Variants in SCN8A observed in about 807,000 individuals in gnomAD.
The protein encoded by SCN8A is sodium channel protein type 8 subunit alpha.
In SCN8A, 30 loss-of-function variants were observed where a neutral mutation model predicts 184.1. The observed-to-expected ratio is 0.16, with a 90% CI of 0.12 to 0.22. The LOEUF (loss-of-function observed/expected upper bound fraction) is 0.22, where lower values mean the gene tolerates loss of function less well. SCN8A is among the 10% of genes least tolerant of loss of function. SCN8A has a pLI of 1.00. For missense variants in SCN8A, 1,057 were observed against 2,498.9 expected, an observed-to-expected ratio of 0.42 and a Z score of 12.30; for synonymous variants, 852 against 907.0, an observed-to-expected ratio of 0.94 and a Z score of 1.09.
At chr12:51,646,114 G>A (rs554074172) in intron 1 of SCN8A, among the ~76,000 whole-genome samples, 1 of 151,676 alleles carries the variant, frequency 6.6e-6, no homozygotes, top group African/African-American at 2.4e-5. Flanking sequence ...TTAGTCTACA[G>A]GATGCCACTA....
chr12:51,730,039 T>C (rs548466889), intron 12 of SCN8A, among the ~76,000 whole-genome samples: 1 of 152,306 alleles, frequency 6.6e-6, no homozygotes, highest in Non-Finnish European at 1.5e-5. Flanking sequence ...ACAAGTCAAA[T>C]ATAAAAATGT....
At chr12:51,649,598 C>T (rs1651860408) in intron 1 of SCN8A, among the ~76,000 whole-genome samples, 1 of 151,512 alleles carries the variant, frequency 6.6e-6, no homozygotes, top group Non-Finnish European at 1.5e-5. Context: ...AGCTTGCACC[C>T]TCTGAAGCCT....
rs527815817 is a variant in SCN8A at position 51,676,909 on chromosome 12, C to G, written c.277-7265C>G. On this transcript the variant is annotated intron_variant, in intron 2 of 26. Coordinates refer to ENST00000627620, the MANE Select transcript of SCN8A (RefSeq NM_001330260.2). ...AGAATTGGTTGAGTGAAGAGCTGCTCTCCTGGGCCATGTGTTTCACAGCAA... is the reference window on the plus strand; with the variant it reads ...AGAATTGGTTGAGTGAAGAGCTGCTGTCCTGGGCCATGTGTTTCACAGCAA... Among the ~76,000 whole-genome samples, 14 of 152,184 alleles carry G rather than the reference C, an allele frequency of 9.2e-5. No individual in the cohort carries two copies. In the East Asian group the frequency reaches 2.7e-3, roughly 29 times the overall value.
Position 51,769,978 on chromosome 12 carries a change from C to T in SCN8A, c.3483C>T (p.Phe1161=). The part of the protein sequence containing the change: ...PEEYLDPDAC[F]TEGCVQRFKC... ...AATACTTGGATCCAGATGCCTGCTT[C>T]ACAGAAGGTGAAAGGGGATGAGGAG... The change falls in exon 18 of 27, where the codon TTC becomes TTT. Residue 1161 remains phenylalanine, a synonymous_variant. Transcript: ENST00000627620. The T allele has an allele frequency of 1.3e-6, 2 of 1,590,244 alleles. No individual in the cohort carries two copies. The highest frequency in any genetic ancestry group is 1.7e-6 in the Non-Finnish European group (2 of 1,166,742).
At chr12:51,742,957 ATTCT>A (rs1942451933) in intron 12 of SCN8A, among the ~76,000 whole-genome samples, 2 of 152,076 alleles carry the variant, frequency 1.3e-5, no homozygotes. Flanking sequence ...AAGCTCATTA[ATTCT>A]TTCTTCTGTC....
intron 20 of SCN8A, among the ~76,000 whole-genome samples, chr12:51,777,860 C>T (rs1347567712): frequency 6.6e-6 from 1 of 152,192 alleles, no homozygotes; most frequent in Admixed American, 6.5e-5. Context: ...ATGAAGCTGA[C>T]CCAGGGGACT....
In SCN8A at chr12:51,705,769, C is replaced by G. The variant is rs906619058; in HGVS notation, c.1341+146C>G. 23 of 708,118 alleles carry G rather than the reference C, an allele frequency of 3.2e-5. No homozygotes were observed. The African/African-American group carries it at 4.1e-4, about 13-fold the overall frequency. The allele number at this position is 708,118 out of a possible 1,614,324, so 43.9% of individuals were successfully genotyped here. ...ATGAAAATAACCCAAGTAACAACTGCAGATGGTTGCTCCAATTATTCCATT... is the reference window on the plus strand; with the variant it reads ...ATGAAAATAACCCAAGTAACAACTGGAGATGGTTGCTCCAATTATTCCATT... On this transcript the variant is annotated intron_variant, in intron 10 of 26. Coordinates refer to ENST00000627620, the MANE Select transcript of SCN8A (RefSeq NM_001330260.2).
chr12:51,675,935 A>G (rs143962698), intron 2 of SCN8A, among the ~76,000 whole-genome samples: 1 of 152,226 alleles, frequency 6.6e-6, no homozygotes, highest in Non-Finnish European at 1.5e-5. Flanking sequence ...CCTGCCTGCC[A>G]CATAGTAAAT....
chr12:51,716,535 G>A (rs544896302), intron 11 of SCN8A, among the ~76,000 whole-genome samples: 2 of 152,248 alleles, frequency 1.3e-5, no homozygotes, highest in South Asian at 2.1e-4. Context: ...CCTGCGGTAG[G>A]GTGGCTGCAT....
intron 2 of SCN8A, 40 bp from the exon 3 acceptor site, chr12:51,684,134 C>A: frequency 1.0e-6 from 1 of 967,410 alleles, no homozygotes; most frequent in Non-Finnish European, 1.7e-6. Flanking sequence ...GTGACTCATA[C>A]CCATGCTTTA....
chr12:51,780,594 T>A, intron 20 of SCN8A, 55 bp from the exon 21 acceptor site: 1 of 340,854 alleles, frequency 2.9e-6, no homozygotes, highest in Non-Finnish European at 4.9e-6. Flanking sequence ...TTTTTTTTTT[T>A]TTTTTTTTTT....
chr12:51,772,784 T>G (rs1942947192), intron 19 of SCN8A, among the ~76,000 whole-genome samples: 1 of 148,494 alleles, frequency 6.7e-6, no homozygotes, highest in Non-Finnish European at 1.5e-5. Context: ...ATTGAGACCA[T>G]CCTGGCTAAC....
chr12:51,663,844 A>G (rs1940973266), intron 2 of SCN8A, among the ~76,000 whole-genome samples: 1 of 150,920 alleles, frequency 6.6e-6, no homozygotes, highest in Admixed American at 6.6e-5. Flanking sequence ...CACCAGCTAA[A>G]TAATTGAATC....
chr12:51,711,314 C>T (rs912833686), intron 11 of SCN8A, among the ~76,000 whole-genome samples: 26 of 152,298 alleles, frequency 1.7e-4, no homozygotes, highest in African/African-American at 6.0e-4. Flanking sequence ...AAAATATTCA[C>T]TTAGTCTAAT....
chr12:51,799,988 T>C (rs1938510474), intron 26 of SCN8A, among the ~76,000 whole-genome samples: 2 of 152,246 alleles, frequency 1.3e-5, no homozygotes, highest in African/African-American at 4.8e-5. Flanking sequence ...TACTTCTCGC[T>C]CACTGGGTCC....
chr12:51,653,705 T>C (rs995648069), intron 1 of SCN8A, among the ~76,000 whole-genome samples: 1 of 152,226 alleles, frequency 6.6e-6, no homozygotes, highest in Admixed American at 6.5e-5. Context: ...CTGGATCTTA[T>C]GGTAATCCTA....
rs528514747 is a variant in SCN8A, at chr12:51,780,565, CTTTTTTTTTTTTTTTTTTTT to C, written c.3820-64_3820-45del. 6.2e-4 allele frequency: 185 copies of C among 297,714 alleles called. 1 individual carries two copies. Among genetic ancestry groups the C allele is most frequent in the Admixed American group, 2.6e-3 (8 of 3,060 alleles). 18.4% of individuals were successfully genotyped at this position (297,714 alleles called of 1,614,324 possible). Reference sequence around the variant, plus strand: ...ACACTCTGGAACCTCTGTTTTCTTTCTTTTTTTTTTTTTTTTTTTTTTTTTTTTTTTTTTTTTTTGGTTAC... The same window carrying C: ...ACACTCTGGAACCTCTGTTTTCTTTCTTTTTTTTTTTTTTTTTTTGGTTAC... On this transcript the variant is annotated intron_variant, in intron 20 of 26. Transcript: ENST00000627620.
intron 25 of SCN8A, among the ~76,000 whole-genome samples, chr12:51,792,771 C>T (rs1398773647): frequency 9.2e-5 from 14 of 152,132 alleles, no homozygotes; most frequent in Admixed American, 6.6e-5. Context: ...GAGACAGAGT[C>T]TCTCTCTGTT....
At chr12:51,710,931 C>G (rs1295292783) in intron 11 of SCN8A, among the ~76,000 whole-genome samples, 1 of 152,170 alleles carries the variant, frequency 6.6e-6, no homozygotes, top group Non-Finnish European at 1.5e-5. Context: ...CCTCTTCTCT[C>G]TAAATAAAGT....
Sources: allele counts gnomAD v4.1 joint callset (sites outside exome capture counted in the v4.1 genomes callset), GRCh38; gene constraint gnomAD v4.1.1; transcripts MANE v1.5; gene names NCBI Gene and HGNC (gene_info 2026-07-23, HGNC 2026-07-21).